OTUD7A: variants seen among roughly 807,000 people sequenced by gnomAD.
OTUD7A encodes the protein OTU deubiquitinase 7A.
OTUD7A carries 12 observed loss-of-function variants against 65.7 expected under a neutral mutation model. The ratio of observed to expected loss-of-function variants is 0.18; its 90% CI spans 0.12 to 0.30. The LOEUF (loss-of-function observed/expected upper bound fraction) is 0.30. OTUD7A is among the 10% of genes least tolerant of loss of function. OTUD7A has a pLI of 1.00. For synonymous variants in OTUD7A, 641 were observed against 586.3 expected (o/e 1.09, Z -1.35); for missense variants, 1,148 against 1,304.8 (o/e 0.88, Z 1.85).
At chr15:31,526,138 C>T (rs982386957) in intron 8 of OTUD7A, among the ~76,000 whole-genome samples, 2 of 152,244 alleles carry the variant, frequency 1.3e-5, no homozygotes, top group Non-Finnish European at 2.9e-5. Context: ...GGGCTGCATA[C>T]CCTTCCACTA....
At chr15:31,585,005 G>T (rs1039548787) in intron 3 of OTUD7A, among the ~76,000 whole-genome samples, 31 of 152,200 alleles carry the variant, frequency 2.0e-4, no homozygotes, top group Non-Finnish European at 3.5e-4. Context: ...GATGGCAAAT[G>T]AACAAAACTC....
At chr15:31,781,757 A>G (rs1425157250) in intron 1 of OTUD7A, among the ~76,000 whole-genome samples, 1 of 152,156 alleles carries the variant, frequency 6.6e-6, no homozygotes. Context: ...TGATTTCACC[A>G]TCATCCTATT....
At chr15:31,784,712 G>T (rs994141043) in intron 1 of OTUD7A, among the ~76,000 whole-genome samples, 1 of 152,204 alleles carries the variant, frequency 6.6e-6, no homozygotes, top group Non-Finnish European at 1.5e-5. Flanking sequence ...GCTTCAGGAA[G>T]AAGGAAGTTA....
intron 1 of OTUD7A, chr15:31,766,273 G>C (rs1224834499): frequency 3.4e-5 from 55 of 1,600,862 alleles, no homozygotes; most frequent in Non-Finnish European, 4.4e-5. Flanking sequence ...ATTGCATCAT[G>C]AAGTTTGGGC....
chr15:31,480,187 A>G lies in OTUD7A; in HGVS notation c.*3107T>C, dbSNP rs1344453454. On this transcript the variant is annotated 3_prime_UTR_variant, in exon 13 of 13. Transcript: ENST00000307050. ...AATACAAAAATAATTTTTATAGTACAGTTTAAACTTGGCTTGTAAAATTTC... is the reference window on the plus strand; with the variant it reads ...AATACAAAAATAATTTTTATAGTACGGTTTAAACTTGGCTTGTAAAATTTC... 2 of 152,192 alleles carry G rather than the reference A, an allele frequency of 1.3e-5. No homozygotes were observed. Among genetic ancestry groups the G allele is most frequent in the Non-Finnish European group, 2.9e-5 (2 of 68,026 alleles). 9.4% of individuals were successfully genotyped at this position (152,192 alleles called of 1,614,324 possible). A position where few individuals can be genotyped will look rare whatever the true frequency, so the allele number is the denominator to read the frequency against.
chr15:31,815,715 G>A (rs537020604), intron 1 of OTUD7A, among the ~76,000 whole-genome samples: 6 of 152,330 alleles, frequency 3.9e-5, no homozygotes, highest in South Asian at 2.1e-4. Context: ...CTCCCACCAC[G>A]GGCCATCTTC....
rs76379546 is a variant in OTUD7A, at chr15:31,507,374, G to T, written c.894-3556C>A. On this transcript the variant is annotated intron_variant, in intron 8 of 12. Coordinates refer to ENST00000307050, the MANE Select transcript of OTUD7A (RefSeq NM_001382637.1). ...TGTATGTTTTTTTTGTGTGTGTGTG[G>T]AAGTTTAACTTTGCTCTTGAGTAAT... 7.1e-3 allele frequency among the ~76,000 whole-genome samples: 1,084 copies of T among 152,126 alleles called. 13 individuals are homozygous for T. The highest frequency in any genetic ancestry group is 0.025 in the African/African-American group (1,044 of 41,482).
intron 1 of OTUD7A, among the ~76,000 whole-genome samples, chr15:31,675,848 T>A (rs1892584455): frequency 1.3e-5 from 2 of 152,102 alleles, no homozygotes; most frequent in African/African-American, 2.4e-5. Flanking sequence ...GAAACCTTTA[T>A]TTTTTTTCCT....
intron 8 of OTUD7A, among the ~76,000 whole-genome samples, chr15:31,517,189 G>A (rs1049896673): frequency 1.3e-5 from 2 of 152,146 alleles, no homozygotes; most frequent in African/African-American, 4.8e-5. Flanking sequence ...CACTGTAAAC[G>A]CCTATGTCCA....
intron 1 of OTUD7A, among the ~76,000 whole-genome samples, chr15:31,761,943 C>T (rs1356495252): frequency 6.6e-6 from 1 of 152,216 alleles, no homozygotes; most frequent in East Asian, 1.9e-4. Context: ...ATAAAATGCC[C>T]TGATAAATCT....
chr15:31,720,163 T>C (rs1566987677), intron 1 of OTUD7A, among the ~76,000 whole-genome samples: 3 of 150,468 alleles, frequency 2.0e-5, no homozygotes, highest in Non-Finnish European at 3.0e-5. Context: ...TGGAAAAGTT[T>C]AAAATTGCTC....
At chr15:31,611,050 T>C (rs1355800091) in intron 3 of OTUD7A, among the ~76,000 whole-genome samples, 2 of 152,108 alleles carry the variant, frequency 1.3e-5, no homozygotes, top group African/African-American at 4.8e-5. Context: ...TATTCCTGAA[T>C]GATCATTGGG....
intron 1 of OTUD7A, among the ~76,000 whole-genome samples, chr15:31,666,803 T>C (rs1892333593): frequency 6.6e-6 from 1 of 152,178 alleles, no homozygotes; most frequent in South Asian, 2.1e-4. Context: ...CCCTTTGCTG[T>C]ATCCCAGAGG....
intron 1 of OTUD7A, among the ~76,000 whole-genome samples, chr15:31,680,511 G>GA (rs1322093037): frequency 6.6e-6 from 1 of 152,174 alleles, no homozygotes; most frequent in Non-Finnish European, 1.5e-5. Context: ...ATACTAACGG[G>GA]AAAAAGGTCT....
intron 3 of OTUD7A, 55 bp from the exon 4 acceptor site, chr15:31,570,252 A>C: frequency 2.3e-5 from 35 of 1,554,236 alleles, no homozygotes; most frequent in Non-Finnish European, 2.7e-5. Context: ...TAACGGTCTC[A>C]TCATAGAGAA....
At chr15:31,799,207 G>T (rs1896054734) in intron 1 of OTUD7A, among the ~76,000 whole-genome samples, 1 of 152,212 alleles carries the variant, frequency 6.6e-6, no homozygotes, top group African/African-American at 2.4e-5. Flanking sequence ...ACAGTGGGCT[G>T]TGCGGGCCTG....
At chr15:31,638,794 T>C (rs1891421196) in intron 3 of OTUD7A, among the ~76,000 whole-genome samples, 1 of 152,280 alleles carries the variant, frequency 6.6e-6, no homozygotes, top group East Asian at 1.9e-4. Context: ...GCAATACCTC[T>C]GAGGTCTGTT....
chr15:31,775,866 G>A (rs1895365419), intron 1 of OTUD7A, among the ~76,000 whole-genome samples: 1 of 152,192 alleles, frequency 6.6e-6, no homozygotes, highest in East Asian at 1.9e-4. Context: ...CCAGGGGAGA[G>A]CCTTGATTTC....
At chr15:31,614,624 T>C (rs1020061254) in intron 3 of OTUD7A, among the ~76,000 whole-genome samples, 2 of 151,952 alleles carry the variant, frequency 1.3e-5, no homozygotes, top group East Asian at 1.9e-4. Context: ...TAAAAGCAGA[T>C]GCAAAATAAA....
Sources: allele counts gnomAD v4.1 joint callset (sites outside exome capture counted in the v4.1 genomes callset), GRCh38; gene constraint gnomAD v4.1.1; transcripts MANE v1.5; gene names NCBI Gene and HGNC (gene_info 2026-07-23, HGNC 2026-07-21).